The following QKI variants were observed in gnomAD, a reference collection of about 807,000 sequenced individuals.
QKI encodes KH domain-containing RNA-binding protein QKI.
A neutral mutation model predicts 39.0 loss-of-function variants in QKI; 10 were observed. The ratio of observed to expected loss-of-function variants is 0.26; its 90% CI spans 0.16 to 0.43. The LOEUF (loss-of-function observed/expected upper bound fraction) is 0.43, where lower values mean the gene tolerates loss of function less well. Ranked by LOEUF, QKI falls within the 20% of genes least tolerant of loss-of-function variation. QKI has a pLI of 1.00. For synonymous variants in QKI, 204 were observed against 155.4 expected (o/e 1.31, Z -2.33); for missense variants, 218 against 428.0 (o/e 0.51, Z 4.33).
intron 1 of QKI, among the ~76,000 whole-genome samples, chr6:163,448,979 C>T (rs1244010017): frequency 6.6e-6 from 1 of 152,062 alleles, no homozygotes; most frequent in African/African-American, 2.4e-5. Flanking sequence ...ACACCAGCCA[C>T]CTCTTTATGA....
At chr6:163,451,400 A>G (rs1790549448) in intron 1 of QKI, among the ~76,000 whole-genome samples, 1 of 152,208 alleles carries the variant, frequency 6.6e-6, no homozygotes, top group Admixed American at 6.5e-5. Flanking sequence ...ATCAGAGTGC[A>G]TCTAAACAAG....
intron 3 of QKI, 44 bp downstream of exon 3, chr6:163,478,940 C>G (rs537960473): frequency 1.4e-6 from 2 of 1,398,528 alleles, no homozygotes; most frequent in Admixed American, 1.9e-5. Flanking sequence ...GAGTAACTTA[C>G]TATACTTTTA....
rs1375463947 is a variant in QKI, at chr6:163,478,788, T to C, written c.294T>C (p.Phe98=). 6.3e-7 allele frequency: 1 copy of C among 1,597,494 alleles called. No individual in the cohort carries two copies. ...VPVKEYPDFN[F]VGRILGPRGL... is the part of the protein sequence containing the mutation. Reference sequence around the variant, plus strand: ...TTTTTTTTTTTTCTCAGTTTAATTTTGTTGGGAGAATCCTTGGACCTAGAG... The same window carrying C: ...TTTTTTTTTTTTCTCAGTTTAATTTCGTTGGGAGAATCCTTGGACCTAGAG... The change falls in exon 3 of 8, where the codon TTT becomes TTC. Residue 98 remains phenylalanine (F), a synonymous_variant. Transcript: ENST00000361752.
rs542038671 is a variant in QKI at position 163,573,888 on chromosome 6, G to A, written c.*3178G>A. 4.6e-5 allele frequency: 7 copies of A among 152,192 alleles called. No individual in the cohort carries two copies. In the South Asian group the frequency reaches 1.5e-3, roughly 32 times the overall value. 9.4% of individuals were successfully genotyped at this position (152,192 alleles called of 1,614,324 possible). On this transcript the variant is annotated 3_prime_UTR_variant, in exon 8 of 8. Coordinates refer to ENST00000361752, the MANE Select transcript of QKI (RefSeq NM_006775.3). ...AAGAATGTAAAGTCTTGAGTTACTG[G>A]ACTAACCCTGAAGAACGTGACCACA...
intron 2 of QKI, among the ~76,000 whole-genome samples, chr6:163,458,273 TTTCTCA>T (rs1231278762): frequency 6.6e-6 from 1 of 152,248 alleles, no homozygotes; most frequent in Non-Finnish European, 1.5e-5. Flanking sequence ...GGTGTTCGCT[TTTCTCA>T]TTTCTGTAAT....
intron 1 of QKI, among the ~76,000 whole-genome samples, chr6:163,450,151 G>A (rs911036409): frequency 6.6e-6 from 1 of 151,982 alleles, no homozygotes; most frequent in Non-Finnish European, 1.5e-5. Context: ...TCTGTCTCCC[G>A]AGTTTAAGCA....
chr6:163,516,426 C>T (rs1779804539), intron 3 of QKI, among the ~76,000 whole-genome samples: 3 of 152,118 alleles, frequency 2.0e-5, no homozygotes, highest in African/African-American at 7.2e-5. Flanking sequence ...TCCCAAATAG[C>T]TGGGACTATA....
intron 3 of QKI, among the ~76,000 whole-genome samples, chr6:163,511,146 C>T (rs1779446149): frequency 6.6e-6 from 1 of 151,956 alleles, no homozygotes; most frequent in Non-Finnish European, 1.5e-5. Context: ...ATCAGTTGGT[C>T]AAGAGATGTC....
intron 3 of QKI, among the ~76,000 whole-genome samples, chr6:163,522,874 G>A (rs1422942143): frequency 2.6e-5 from 4 of 151,826 alleles, no homozygotes; most frequent in Admixed American, 6.6e-5. Flanking sequence ...TATTTGGGGA[G>A]TACGAACACT....
chr6:163,496,917 C>A (rs1481352410), intron 3 of QKI, among the ~76,000 whole-genome samples: 1 of 152,116 alleles, frequency 6.6e-6, no homozygotes, highest in African/African-American at 2.4e-5. Flanking sequence ...CATCAACAGC[C>A]CTGACATGTT....
chr6:163,465,758 A>G (rs990597041), intron 2 of QKI, among the ~76,000 whole-genome samples: 2 of 152,156 alleles, frequency 1.3e-5, no homozygotes, highest in African/African-American at 4.8e-5. Flanking sequence ...CACTTAGTCA[A>G]GTTCTGGGAT....
chr6:163,510,857 G>A (rs988583885), intron 3 of QKI, among the ~76,000 whole-genome samples: 1 of 110,920 alleles, frequency 9.0e-6, no homozygotes, highest in Non-Finnish European at 2.2e-5. Flanking sequence ...AGATTTTAAT[G>A]TAACTCTTTC....
chr6:163,420,688 G>A (rs1787926711), intron 1 of QKI, among the ~76,000 whole-genome samples: 2 of 152,052 alleles, frequency 1.3e-5, no homozygotes, highest in South Asian at 4.1e-4. Flanking sequence ...ATAACTTTTA[G>A]GGAATATTTA....
At chr6:163,500,052 G>A (rs1298746261) in intron 3 of QKI, among the ~76,000 whole-genome samples, 1 of 152,144 alleles carries the variant, frequency 6.6e-6, no homozygotes, top group East Asian at 1.9e-4. Context: ...ATGTTTCTGG[G>A]TGAAGTTAGA....
chr6:163,473,091 T>TA (rs1371820197), intron 2 of QKI, among the ~76,000 whole-genome samples: 1 of 152,134 alleles, frequency 6.6e-6, no homozygotes, highest in Non-Finnish European at 1.5e-5. Flanking sequence ...TATAATAAAC[T>TA]ACTCCAAAAT....
chr6:163,478,418 G>A (rs2128225326), intron 2 of QKI, among the ~76,000 whole-genome samples: 1 of 152,330 alleles, frequency 6.6e-6, no homozygotes, highest in South Asian at 2.1e-4. Context: ...ATGACAAAGA[G>A]ACAGTTGGAC....
chr6:163,576,580 A>ATG lies in QKI; in HGVS notation c.*5871_*5872insGT, dbSNP rs1488224153. ...AAATTTTACTGTGGAAATTGTGTAT[A>ATG]TATATATATATAGTCGAAATAGGTG... On this transcript the variant is annotated 3_prime_UTR_variant, in exon 8 of 8. Coordinates refer to ENST00000361752, the MANE Select transcript of QKI (RefSeq NM_006775.3). 1.3e-5 allele frequency: 2 copies of ATG among 152,082 alleles called. No individual in the cohort carries two copies. The highest frequency in any genetic ancestry group is 2.9e-5 in the Non-Finnish European group (2 of 68,028). The allele number at this position is 152,082 out of a possible 1,614,324, so 9.4% of individuals were successfully genotyped here. A position where few individuals can be genotyped will look rare whatever the true frequency, so the allele number is the denominator to read the frequency against.
intron 1 of QKI, among the ~76,000 whole-genome samples, chr6:163,419,775 A>G (rs1438366593): frequency 6.6e-6 from 1 of 152,194 alleles, no homozygotes; most frequent in East Asian, 1.9e-4. Flanking sequence ...TCCGACTGTA[A>G]CACAGTTGAG....
intron 4 of QKI, among the ~76,000 whole-genome samples, chr6:163,553,275 G>A (rs1306675589): frequency 6.6e-6 from 1 of 151,520 alleles, no homozygotes; most frequent in African/African-American, 2.4e-5. Context: ...AGCTAATTTT[G>A]TATTTTTAGT....
Sources: gnomAD v4.1 joint callset for allele counts (sites outside exome capture counted in the v4.1 genomes callset) on GRCh38, gnomAD v4.1.1 for gene constraint, MANE v1.5 for transcripts, NCBI Gene and HGNC (gene_info 2026-07-23, HGNC 2026-07-21) for gene names.